AQP1: variants seen among roughly 807,000 people sequenced by gnomAD.
The protein encoded by AQP1 is aquaporin 1 (Colton blood group), also known as aquaporin-1.
In AQP1, 11 loss-of-function variants were observed where a neutral mutation model predicts 19.7. The observed-to-expected ratio is 0.56, with a 90% confidence interval of 0.35 to 0.92. The LOEUF (loss-of-function observed/expected upper bound fraction) is 0.92, where lower values mean the gene tolerates loss of function less well. AQP1 is among the 40% of genes least tolerant of loss of function. The pLI is 0.01. For synonymous variants in AQP1, 159 were observed against 166.7 expected (o/e 0.95, Z 0.36); for missense variants, 320 against 369.7 (o/e 0.87, Z 1.10).
At chr7:30,915,600 G>A (rs1791325844) in intron 1 of AQP1, among the ~76,000 whole-genome samples, 2 of 152,140 alleles carry the variant, frequency 1.3e-5, no homozygotes, top group South Asian at 4.1e-4. Flanking sequence ...TGCATCCGGG[G>A]GAAGGGGTCT....
chr7:30,921,740 C>T (rs1405109560), intron 1 of AQP1: 2 of 1,550,884 alleles, frequency 1.3e-6, no homozygotes, highest in Non-Finnish European at 1.7e-6. Context: ...GGTCTTGGTA[C>T]CCCAGAATAC....
intron 1 of AQP1, chr7:30,921,341 C>T (rs947329191): frequency 1.8e-5 from 24 of 1,356,820 alleles, no homozygotes; most frequent in Middle Eastern, 2.7e-4. Flanking sequence ...ACGGTGGTGG[C>T]GGGGCCTATC....
intron 1 of AQP1, chr7:30,921,217 T>G (rs1584388249): frequency 9.4e-7 from 1 of 1,058,410 alleles, no homozygotes; most frequent in Non-Finnish European, 1.2e-6. Flanking sequence ...TGGGGAGGGG[T>G]CCTCCGGGGG....
intron 1 of AQP1, among the ~76,000 whole-genome samples, chr7:30,919,775 GC>G (rs2128590038): frequency 6.6e-6 from 1 of 152,248 alleles, no homozygotes; most frequent in East Asian, 1.9e-4. Flanking sequence ...GCCTTTGAGT[GC>G]CCCTTCCAAT....
intron 1 of AQP1, among the ~76,000 whole-genome samples, chr7:30,914,912 A>G (rs1333572109): frequency 2.0e-5 from 3 of 152,252 alleles, no homozygotes; most frequent in Admixed American, 6.5e-5. Flanking sequence ...GCCTCCGTCC[A>G]GCCTGCAAGG....
At chr7:30,922,274 C>CGGGG in intron 2 of AQP1, 44 bp downstream of exon 2, 1 of 744,598 alleles carries the variant, frequency 1.3e-6, no homozygotes, top group South Asian at 1.4e-5. Context: ...GAAGGGAGGG[C>CGGGG]GGGGGCTGGT....
chr7:30,912,280 T>A lies in AQP1; in HGVS notation c.371T>A (p.Leu124His). Residue 124 changes from leucine (L) to histidine (H), a missense_variant, in exon 1 of 4, where the codon CTT becomes CAT. Leu to His is a moderately conservative substitution (Grantham distance 99). Coordinates refer to ENST00000311813, the MANE Select transcript of AQP1 (RefSeq NM_198098.4). This position sits in a 1 kb window ranked among gnomAD's most constrained non-coding sequence, Gnocchi z 4.3. ...GITSSLTGNS[L>H]GRNDLADGVN... The stretch of plus-strand genomic sequence containing the variant: ...ACCTCCTCCCTGACTGGGAACTCGC[T>A]TGGCCGCAATGACGTGAGTGGGGTG... 6.2e-7 allele frequency: 1 copy of A among 1,602,094 alleles called. No individual in the cohort carries two copies.
At position 30,911,903 on chromosome 7, in the gene AQP1, T is replaced by C; in HGVS notation, c.-7T>C. On this transcript the variant is annotated 5_prime_UTR_variant, in exon 1 of 4. Coordinates refer to ENST00000311813, the MANE Select transcript of AQP1 (RefSeq NM_198098.4). The stretch of plus-strand genomic sequence containing the variant: ...GGCAGCGGTCTCAGGCCAAGCCCCC[T>C]GCCAGCATGGCCAGCGAGTTCAAGA... 6.2e-7 allele frequency: 1 copy of C among 1,611,422 alleles called. No individual in the cohort carries two copies. The highest frequency in any genetic ancestry group is 8.5e-7 in the Non-Finnish European group (1 of 1,179,110).
chr7:30,924,300 G>T lies in AQP1; in HGVS notation c.*671G>T. On this transcript the variant is annotated 3_prime_UTR_variant, in exon 4 of 4. Coordinates refer to ENST00000311813, the MANE Select transcript of AQP1 (RefSeq NM_198098.4). ...ACACAGCATGGGTCCAGAAGACGTG[G>T]TCTAGACCAGGGCTGCTCTTTCCAC... 1 of 242,056 alleles carries T rather than the reference G, an allele frequency of 4.1e-6. No individual in the cohort carries two copies. Among genetic ancestry groups the T allele is most frequent in the Middle Eastern group, 1.7e-3 (1 of 588 alleles). The allele number at this position is 242,056 out of a possible 1,614,324, so 15.0% of individuals were successfully genotyped here. A position where few individuals can be genotyped will look rare whatever the true frequency, so the allele number is the denominator to read the frequency against.
intron 1 of AQP1, chr7:30,921,855 T>C (rs1285542129): frequency 6.5e-7 from 1 of 1,542,084 alleles, no homozygotes; most frequent in Non-Finnish European, 8.8e-7. Context: ...GGGGCTGGGC[T>C]GGAGTTTCAT....
rs1791615385 is a variant in AQP1, at chr7:30,924,118, G to A, written c.*489G>A. 2.5e-6 allele frequency: 3 copies of A among 1,192,694 alleles called. No homozygotes were observed. The highest frequency in any genetic ancestry group is 3.5e-5 in the Admixed American group (1 of 28,398). The allele number at this position is 1,192,694 out of a possible 1,614,324, so 73.9% of individuals were successfully genotyped here. A position where few individuals can be genotyped will look rare whatever the true frequency, so the allele number is the denominator to read the frequency against. ...CCAGGAGGTGCAGTGGAGGGGGCAAGCTTTGCTCCTTCAGTTCTGCTTGCT... is the reference window on the plus strand; with the variant it reads ...CCAGGAGGTGCAGTGGAGGGGGCAAACTTTGCTCCTTCAGTTCTGCTTGCT... On this transcript the variant is annotated 3_prime_UTR_variant, in exon 4 of 4. Coordinates refer to ENST00000311813, the MANE Select transcript of AQP1 (RefSeq NM_198098.4).
intron 1 of AQP1, among the ~76,000 whole-genome samples, chr7:30,917,560 A>G (rs1294779202): frequency 6.6e-6 from 1 of 152,120 alleles, no homozygotes; most frequent in Non-Finnish European, 1.5e-5. Flanking sequence ...TGTGTGACAC[A>G]GGGAGACAGT....
Position 30,912,494 on chromosome 7 carries a change from G to C in AQP1, c.384+201G>C, listed in dbSNP as rs1349536878. ...CCTCCCAAAGCCTGTTTTCTGCCAG[G>C]CACTGTGGGAAGCTGAGATCCAGAG... On this transcript the variant is annotated intron_variant, in intron 1 of 3. Transcript: ENST00000311813. This position sits in a 1 kb window ranked among gnomAD's most constrained non-coding sequence, Gnocchi z 4.3. Among the ~76,000 whole-genome samples the C allele has an allele frequency of 1.3e-5, 2 of 152,204 alleles. No homozygotes were observed. Among genetic ancestry groups the C allele is most frequent in the East Asian group, 3.9e-4 (2 of 5,190 alleles).
intron 1 of AQP1, chr7:30,921,515 A>G: frequency 6.6e-7 from 1 of 1,509,452 alleles, no homozygotes; most frequent in Non-Finnish European, 8.9e-7. Context: ...ATAGGGAGGC[A>G]GGCACAGAGG....
rs200924730 is a variant in AQP1 at position 30,923,438 on chromosome 7, C to A, written c.631-12C>A. On this transcript the variant is annotated splice_polypyrimidine_tract_variant and intron_variant, in intron 3 of 3. Coordinates refer to ENST00000311813, the MANE Select transcript of AQP1 (RefSeq NM_198098.4). This position sits in a 1 kb window ranked among gnomAD's most constrained non-coding sequence, Gnocchi z 4.8. ...GAGTGGAGCCCTCTGAACACACCTG[C>A]TCTGTTCCTAGATTTTCTGGGTGGG... 6.2e-7 allele frequency: 1 copy of A among 1,613,828 alleles called. No homozygotes were observed. Among genetic ancestry groups the A allele is most frequent in the South Asian group, 1.1e-5 (1 of 91,068 alleles).
At chr7:30,913,037 C>T (rs904349764) in intron 1 of AQP1, among the ~76,000 whole-genome samples, 1 of 151,954 alleles carries the variant, frequency 6.6e-6, no homozygotes, top group Non-Finnish European at 1.5e-5. Context: ...TGTTTGCCAG[C>T]ATGAGTCTCT....
At chr7:30,919,466 C>T (rs374972974) in intron 1 of AQP1, among the ~76,000 whole-genome samples, 18 of 151,616 alleles carry the variant, frequency 1.2e-4, no homozygotes, top group Admixed American at 1.1e-3. Flanking sequence ...ATTATTCTTT[C>T]GGTAATACTT....
rs1791577679 is a variant in AQP1, at chr7:30,923,327, A to G, written c.631-123A>G. On this transcript the variant is annotated intron_variant, in intron 3 of 3. Transcript: ENST00000311813. This position sits in a 1 kb window ranked among gnomAD's most constrained non-coding sequence, Gnocchi z 4.8. The stretch of plus-strand genomic sequence containing the variant: ...CATGATGTTAGGATTTGGCTCTCCT[A>G]CCTGCCTCCATCCCAGGTGGGAAAA... 1 of 1,544,570 alleles carries G rather than the reference A, an allele frequency of 6.5e-7. No individual in the cohort carries two copies. The highest frequency in any genetic ancestry group is 1.4e-5 in the African/African-American group (1 of 73,790).
rs1247709073 is a variant in AQP1 at position 30,923,896 on chromosome 7, G to C, written c.*267G>C. The C allele has an allele frequency of 6.8e-7, 1 of 1,478,388 alleles. No individual in the cohort carries two copies. The allele number at this position is 1,478,388 out of a possible 1,614,324, so 91.6% of individuals were successfully genotyped here. On this transcript the variant is annotated 3_prime_UTR_variant, in exon 4 of 4. Coordinates refer to ENST00000311813, the MANE Select transcript of AQP1 (RefSeq NM_198098.4). This position sits in a 1 kb window ranked among gnomAD's most constrained non-coding sequence, Gnocchi z 4.8. ...AGTTGTGGAGGAGGTGAAAGAAAGGGACCCACCTGCTAGTCGCCCCTCAGA... is the reference window on the plus strand; with the variant it reads ...AGTTGTGGAGGAGGTGAAAGAAAGGCACCCACCTGCTAGTCGCCCCTCAGA...
Sources: allele counts gnomAD v4.1 joint callset (sites outside exome capture counted in the v4.1 genomes callset), GRCh38; gene constraint gnomAD v4.1.1; non-coding constraint Gnocchi (gnomAD v3.1); transcripts MANE v1.5; gene names NCBI Gene and HGNC (gene_info 2026-07-23, HGNC 2026-07-21).